The following COMP variants were observed in gnomAD, a reference collection of about 807,000 sequenced individuals.
COMP encodes cartilage oligomeric matrix protein (pseudoachondroplasia, epiphyseal dysplasia 1, multiple).
A neutral mutation model predicts 95.8 loss-of-function variants in COMP; 79 were observed. The ratio of observed to expected loss-of-function variants is 0.82; its 90% CI spans 0.69 to 0.99. COMP has a LOEUF of 0.99. Ranked by LOEUF, COMP falls within the 50% of genes least tolerant of loss-of-function variation. The probability of loss-of-function intolerance (pLI) is 0.00; values close to 1 mark genes in which losing one functional copy is unlikely to be tolerated. For missense variants in COMP, 906 were observed against 1,076.1 expected (o/e 0.84, Z 2.21); for synonymous variants, 438 against 433.9 (o/e 1.01, Z -0.12).
At chr19:18,786,830 T>C (rs1711953435) in intron 10 of COMP, 180 bp from the exon 11 acceptor site, 11 of 513,538 alleles carry the variant, frequency 2.1e-5, no homozygotes, top group Middle Eastern at 5.3e-4. Context: ...TGGAGTGCAG[T>C]GGCATGATCT....
At position 18,789,444 on chromosome 19, in the gene COMP, G is replaced by T; in HGVS notation, c.391-147C>A. Reference sequence around the variant, plus strand: ...TGGAAGCAATTGTCGCAGGGGTCAGGCACGACTTTGCCTTGATGACGGCAA... The same window carrying T: ...TGGAAGCAATTGTCGCAGGGGTCAGTCACGACTTTGCCTTGATGACGGCAA... On this transcript the variant is annotated intron_variant, in intron 4 of 18. Transcript: ENST00000222271. The surrounding 1 kb of genome is among the most constrained non-coding windows in gnomAD (Gnocchi z 6.1). The T allele has an allele frequency of 1.1e-6, 1 of 938,552 alleles. No individual in the cohort carries two copies. The highest frequency in any genetic ancestry group is 1.5e-6 in the Non-Finnish European group (1 of 653,892). The allele number at this position is 938,552 out of a possible 1,614,324, so 58.1% of individuals were successfully genotyped here. A position where few individuals can be genotyped will look rare whatever the true frequency, so the allele number is the denominator to read the frequency against.
chr19:18,788,398 GC>G lies in COMP; in HGVS notation c.867+11del. 11 of 622,164 alleles carry G rather than the reference GC, an allele frequency of 1.8e-5. No individual in the cohort carries two copies. The highest frequency in any genetic ancestry group is 3.0e-5 in the Non-Finnish European group (11 of 370,172). The allele number at this position is 622,164 out of a possible 1,614,324, so 38.5% of individuals were successfully genotyped here. On this transcript the variant is annotated intron_variant, in intron 8 of 18. Transcript: ENST00000222271. The surrounding 1 kb of genome is among the most constrained non-coding windows in gnomAD (Gnocchi z 4.7). ...CTCCTGCCCAAGCCCGCCCCGCTCC[GC>G]CCCCACCCACCTTACGGCACTGGCG...
chr19:18,786,403 G>A (rs1430339185), intron 11 of COMP, 112 bp from the exon 12 acceptor site: 16 of 1,553,674 alleles, frequency 1.0e-5, no homozygotes, highest in South Asian at 5.6e-5. Context: ...AACCCCCACC[G>A]CAGGCTGCTC....
In COMP at chr19:18,784,053, G is replaced by A; in HGVS notation, c.2087+138C>T. 1.0e-6 allele frequency: 1 copy of A among 965,044 alleles called. No individual in the cohort carries two copies. Among genetic ancestry groups the A allele is most frequent in the Non-Finnish European group, 1.6e-6 (1 of 618,898 alleles). The allele number at this position is 965,044 out of a possible 1,614,324, so 59.8% of individuals were successfully genotyped here. Reference sequence around the variant, plus strand: ...AGCCACCACGCCTGGACCAGCATAGGCTCATTCTAACTGCCCTGTATCTTT... The same window carrying A: ...AGCCACCACGCCTGGACCAGCATAGACTCATTCTAACTGCCCTGTATCTTT... On this transcript the variant is annotated intron_variant, in intron 17 of 18. Coordinates refer to ENST00000222271, the MANE Select transcript of COMP (RefSeq NM_000095.3). This position sits in a 1 kb window ranked among gnomAD's most constrained non-coding sequence, Gnocchi z 4.9.
rs142160846 is a variant in COMP at position 18,783,160 on chromosome 19, G to C, written c.2121C>G (p.Ala707=). Residue 707 remains alanine (A), a synonymous_variant, in exon 18 of 19, where the codon GCC becomes GCG. Coordinates refer to ENST00000222271, the MANE Select transcript of COMP (RefSeq NM_000095.3). ...VRFYEGPELV[A]DSNVVLDTTM... is the part of the protein sequence containing the mutation. ...TTGTGTCCAAGACCACGTTGCTGTC[G>C]GCCACCAGCTCAGGGCCCTCATAGA... 6.2e-7 allele frequency: 1 copy of C among 1,609,744 alleles called. No homozygotes were observed. The highest frequency in any genetic ancestry group is 8.5e-7 in the Non-Finnish European group (1 of 1,180,010).
In COMP at chr19:18,789,794, T is replaced by G; in HGVS notation, c.390+148A>C. On this transcript the variant is annotated intron_variant, in intron 4 of 18. Coordinates refer to ENST00000222271, the MANE Select transcript of COMP (RefSeq NM_000095.3). The surrounding 1 kb of genome is among the most constrained non-coding windows in gnomAD (Gnocchi z 6.1). ...CCTTGGGTTGGGCGTCCCCCCGCGG[T>G]AAGGAGGTAGTCTGGCCGTGCGCCC... 2.0e-6 allele frequency: 2 copies of G among 1,020,352 alleles called. No homozygotes were observed. The highest frequency in any genetic ancestry group is 2.9e-6 in the Non-Finnish European group (2 of 681,886). 63.2% of individuals were successfully genotyped at this position (1,020,352 alleles called of 1,614,324 possible).
In COMP at chr19:18,786,311, G is replaced by A. The variant is rs764599385; in HGVS notation, c.1255-20C>T. 5.0e-6 allele frequency: 8 copies of A among 1,613,594 alleles called. No homozygotes were observed. The East Asian group carries it at 1.3e-4, about 27-fold the overall frequency. On this transcript the variant is annotated intron_variant, in intron 11 of 18. Transcript: ENST00000222271. The stretch of plus-strand genomic sequence containing the variant: ...ATCCGCCTGCGGAGGGCAGCATGCG[G>A]GGGTCCATAATCAGACAGAGGAAAT...
chr19:18,786,451 C>CCT, intron 11 of COMP, 81 bp downstream of exon 11: 1 of 1,532,768 alleles, frequency 6.5e-7, no homozygotes, highest in Non-Finnish European at 9.0e-7. Context: ...GTAAAATGCT[C>CCT]TAAGCTGGGC....
At position 18,788,384 on chromosome 19, in the gene COMP, G is replaced by GGCCC; in HGVS notation, c.867+25_867+26insGGGC. The GGCCC allele has an allele frequency of 2.0e-6, 3 of 1,516,154 alleles. No homozygotes were observed. Among genetic ancestry groups the GGCCC allele is most frequent in the Non-Finnish European group, 2.7e-6 (3 of 1,098,422 alleles). The allele number at this position is 1,516,154 out of a possible 1,614,324, so 93.9% of individuals were successfully genotyped here. A position where few individuals can be genotyped will look rare whatever the true frequency, so the allele number is the denominator to read the frequency against. On this transcript the variant is annotated intron_variant, in intron 8 of 18. Transcript: ENST00000222271. This position sits in a 1 kb window ranked among gnomAD's most constrained non-coding sequence, Gnocchi z 4.7. ...AAGTCCCGCCCTCCCTCCTGCCCAAGCCCGCCCCGCTCCGCCCCCACCCAC... is the reference window on the plus strand; with the variant it reads ...AAGTCCCGCCCTCCCTCCTGCCCAAGGCCCCCCGCCCCGCTCCGCCCCCACCCAC...
Position 18,788,219 on chromosome 19 carries a change from T to A in COMP, c.968A>T (p.Asn323Ile), listed in dbSNP as rs367812050. 1 of 1,612,482 alleles carries A rather than the reference T, an allele frequency of 6.2e-7. No homozygotes were observed. The highest frequency in any genetic ancestry group is 8.5e-7 in the Non-Finnish European group (1 of 1,179,500). Reference protein sequence around the residue: ...DPDADGDGVPNEKDNCPLVRN... With the variant: ...DPDADGDGVPIEKDNCPLVRN... ...GCCGAGCCGTAGATCTACCTTTTCATTGGGGACCCCGTCCCCGTCGGCATC... is the reference window on the plus strand; with the variant it reads ...GCCGAGCCGTAGATCTACCTTTTCAATGGGGACCCCGTCCCCGTCGGCATC... The change falls in exon 9 of 19, where the codon AAT (asparagine) becomes ATT (isoleucine). Residue 323 changes from asparagine to isoleucine, a missense_variant. Asn to Ile is a moderately radical substitution (Grantham distance 149, BLOSUM62 -3). Coordinates refer to ENST00000222271, the MANE Select transcript of COMP (RefSeq NM_000095.3). This position sits in a 1 kb window ranked among gnomAD's most constrained non-coding sequence, Gnocchi z 4.7.
chr19:18,790,091 C>T lies in COMP; in HGVS notation c.241G>A (p.Gly81Ser). The T allele has an allele frequency of 6.5e-7, 1 of 1,539,292 alleles. No individual in the cohort carries two copies. Among genetic ancestry groups the T allele is most frequent in the Non-Finnish European group, 8.7e-7 (1 of 1,146,302 alleles). ...ACGMQQSVRT[G>S]LPSVRPLLHC... ...AGCAGGGGCCGCACGCTGGGTAGGC[C>T]GGTGCGTACTGACTGCTGCATCCCT... The change falls in exon 4 of 19, where the codon GGC becomes AGC. Residue 81 changes from glycine (G) to serine (S), a missense_variant. By Grantham distance (56) the Gly-to-Ser change is moderately conservative. Transcript: ENST00000222271.
chr19:18,789,859 G>T lies in COMP; in HGVS notation c.390+83C>A. 1 of 1,507,038 alleles carries T rather than the reference G, an allele frequency of 6.6e-7. No homozygotes were observed. The highest frequency in any genetic ancestry group is 9.0e-7 in the Non-Finnish European group (1 of 1,111,148). The allele number at this position is 1,507,038 out of a possible 1,614,324, so 93.4% of individuals were successfully genotyped here. Reference sequence around the variant, plus strand: ...CTCTTCGGGGCGAACACTCCCAGTGGAGGAAGGGGTCTCCCGGGCGGCGAG... The same window carrying T: ...CTCTTCGGGGCGAACACTCCCAGTGTAGGAAGGGGTCTCCCGGGCGGCGAG... On this transcript the variant is annotated intron_variant, in intron 4 of 18. Transcript: ENST00000222271. This position sits in a 1 kb window ranked among gnomAD's most constrained non-coding sequence, Gnocchi z 6.1.
At position 18,784,169 on chromosome 19, in the gene COMP, C is replaced by G; in HGVS notation, c.2087+22G>C. 6.2e-7 allele frequency: 1 copy of G among 1,612,800 alleles called. No individual in the cohort carries two copies. The highest frequency in any genetic ancestry group is 8.5e-7 in the Non-Finnish European group (1 of 1,179,984). ...GCCTGTGTGTCCCCAGCCCAGCCCA[C>G]CACAGAGGGTGGAGTCCCCACCTGA... is the stretch of plus-strand genomic sequence containing the variant. On this transcript the variant is annotated intron_variant, in intron 17 of 18. Coordinates refer to ENST00000222271, the MANE Select transcript of COMP (RefSeq NM_000095.3). The surrounding 1 kb of genome is among the most constrained non-coding windows in gnomAD (Gnocchi z 4.9).
rs780573013 is a variant in COMP at position 18,784,265 on chromosome 19, C to T, written c.2013G>A (p.Pro671=). The T allele has an allele frequency of 3.1e-6, 5 of 1,613,942 alleles. No individual in the cohort carries two copies. In the East Asian group the frequency reaches 6.7e-5, roughly 22 times the overall value. The change falls in exon 17 of 19, where the codon CCG becomes CCA. Residue 671 remains proline (P), a synonymous_variant. Coordinates refer to ENST00000222271, the MANE Select transcript of COMP (RefSeq NM_000095.3). This position sits in a 1 kb window ranked among gnomAD's most constrained non-coding sequence, Gnocchi z 4.9. ...TCTTGTCCTTCCAACCCACGTTTCG[C>T]GGGTCCTTCCACAGCAGCCGCACCT... The part of the protein sequence containing the change: ...ESQVRLLWKD[P]RNVGWKDKKS...
At position 18,789,415 on chromosome 19, in the gene COMP, G is replaced by T. The variant is rs1172565902; in HGVS notation, c.391-118C>A. 3 of 1,142,416 alleles carry T rather than the reference G, an allele frequency of 2.6e-6. No homozygotes were observed. Among genetic ancestry groups the T allele is most frequent in the Non-Finnish European group, 3.6e-6 (3 of 838,936 alleles). 70.8% of individuals were successfully genotyped at this position (1,142,416 alleles called of 1,614,324 possible). On this transcript the variant is annotated intron_variant, in intron 4 of 18. Coordinates refer to ENST00000222271, the MANE Select transcript of COMP (RefSeq NM_000095.3). The surrounding 1 kb of genome is among the most constrained non-coding windows in gnomAD (Gnocchi z 6.1). ...GCCATATGCCAGTGCTTGGAGCTCT[G>T]AGATGGAAGCAATTGTCGCAGGGGT...
Position 18,791,219 on chromosome 19 carries a change from G to A in COMP, c.51C>T (p.Gly17=), listed in dbSNP as rs1802506589. The part of the protein sequence containing the change: ...CVLLLTLAAL[G]ASGQGQSPLG... ...ACGGGCTCTGGCCCTGTCCGGACGC[G>A]CCGAGGGCAGCCAGGGTGAGCAGAA... The change falls in exon 1 of 19, where the codon GGC becomes GGT. Residue 17 remains glycine (G), a synonymous_variant. Coordinates refer to ENST00000222271, the MANE Select transcript of COMP (RefSeq NM_000095.3). The A allele has an allele frequency of 6.3e-7, 1 of 1,594,878 alleles. No individual in the cohort carries two copies. Among genetic ancestry groups the A allele is most frequent in the Non-Finnish European group, 8.5e-7 (1 of 1,172,414 alleles).
intron 10 of COMP, 86 bp from the exon 11 acceptor site, chr19:18,786,736 T>G (rs1292746828): frequency 2.9e-6 from 2 of 683,616 alleles, no homozygotes; most frequent in African/African-American, 4.0e-5. Flanking sequence ...GAGGCTGGCC[T>G]GGAACAGAGT....
chr19:18,788,940 C>A lies in COMP; in HGVS notation c.529-27G>T. ...TAGGGGAGGGGAACTCAGAGGTCACCACCCCACGCAGACACCTCCGGACCT... is the reference window on the plus strand; with the variant it reads ...TAGGGGAGGGGAACTCAGAGGTCACAACCCCACGCAGACACCTCCGGACCT... On this transcript the variant is annotated intron_variant, in intron 5 of 18. Coordinates refer to ENST00000222271, the MANE Select transcript of COMP (RefSeq NM_000095.3). The surrounding 1 kb of genome is among the most constrained non-coding windows in gnomAD (Gnocchi z 4.7). 3 of 1,610,640 alleles carry A rather than the reference C, an allele frequency of 1.9e-6. No individual in the cohort carries two copies. The highest frequency in any genetic ancestry group is 1.7e-6 in the Non-Finnish European group (2 of 1,178,560).
In COMP at chr19:18,789,347, G is replaced by A; in HGVS notation, c.391-50C>T. The stretch of plus-strand genomic sequence containing the variant: ...GTCAGAGGGCTTCGAGCTGGGCCCT[G>A]GGGGCCGCACCTCGTAGTGTCTCGG... On this transcript the variant is annotated intron_variant, in intron 4 of 18. Transcript: ENST00000222271. This position sits in a 1 kb window ranked among gnomAD's most constrained non-coding sequence, Gnocchi z 6.1. 7.0e-7 allele frequency: 1 copy of A among 1,425,192 alleles called. No homozygotes were observed. Among genetic ancestry groups the A allele is most frequent in the African/African-American group, 1.4e-5 (1 of 69,180 alleles). 88.3% of individuals were successfully genotyped at this position (1,425,192 alleles called of 1,614,324 possible). A position where few individuals can be genotyped will look rare whatever the true frequency, so the allele number is the denominator to read the frequency against.
Sources: gnomAD v4.1 joint callset for allele counts on GRCh38, gnomAD v4.1.1 for gene constraint, Gnocchi (gnomAD v3.1) non-coding constraint, MANE v1.5 for transcripts, NCBI Gene and HGNC (gene_info 2026-07-23, HGNC 2026-07-21) for gene names.